FBXO16: variants seen among roughly 807,000 people sequenced by gnomAD.
FBXO16 encodes F-box only protein 16.
A neutral mutation model predicts 41.0 loss-of-function variants in FBXO16; 31 were observed. The observed-to-expected ratio is 0.76, with a 90% CI of 0.57 to 1.02. The LOEUF is 1.02. FBXO16 is among the 50% of genes least tolerant of loss of function. The probability of loss-of-function intolerance (pLI) is 0.00; values close to 1 mark genes in which losing one functional copy is unlikely to be tolerated. For synonymous variants in FBXO16, 133 were observed against 117.8 expected, an observed-to-expected ratio of 1.13 and a Z score of -0.84; for missense variants, 361 against 346.2, an observed-to-expected ratio of 1.04 and a Z score of -0.34.
chr8:28,481,287 G>A (rs981906796), intron 2 of FBXO16, among the ~76,000 whole-genome samples: 3 of 152,194 alleles, frequency 2.0e-5, no homozygotes, highest in African/African-American at 7.2e-5. Context: ...GCCAGTGAAA[G>A]CAGTTAGGGG....
rs192468514 is a variant in FBXO16 at position 28,472,654 on chromosome 8, A to G, written c.135+1118T>C. Among the ~76,000 whole-genome samples the G allele has an allele frequency of 3.9e-3, 599 of 152,310 alleles. 5 individuals are homozygous for G. Among genetic ancestry groups the G allele is most frequent in the African/African-American group, 0.014 (576 of 41,552 alleles). On this transcript the variant is annotated intron_variant, in intron 3 of 8. Transcript: ENST00000380254. ...CTACTCAGGAGGCTGAGGCAGGAGAATCACTTGAACCCGGGAGGCGGAGGA... is the reference window on the plus strand; with the variant it reads ...CTACTCAGGAGGCTGAGGCAGGAGAGTCACTTGAACCCGGGAGGCGGAGGA...
chr8:28,468,991 C>T (rs1039363877), intron 3 of FBXO16, among the ~76,000 whole-genome samples: 1 of 152,174 alleles, frequency 6.6e-6, no homozygotes, highest in African/African-American at 2.4e-5. Context: ...TCATGCATTT[C>T]CTTTTTTTCT....
chr8:28,486,568 TC>T (rs1047846266), intron 1 of FBXO16, among the ~76,000 whole-genome samples: 3 of 151,868 alleles, frequency 2.0e-5, no homozygotes, highest in Admixed American at 2.0e-4. Context: ...TTGCCTGTAA[TC>T]CCAGCACTTG....
chr8:28,428,935 G>A (rs1466085762), intron 8 of FBXO16, among the ~76,000 whole-genome samples, 199 bp from the exon 9 acceptor site: 3 of 152,048 alleles, frequency 2.0e-5, no homozygotes, highest in African/African-American at 7.2e-5. Flanking sequence ...GGTCTTTAGC[G>A]TCCAAAGTGC....
At chr8:28,464,391 A>G (rs943165461) in intron 3 of FBXO16, among the ~76,000 whole-genome samples, 2 of 152,214 alleles carry the variant, frequency 1.3e-5, no homozygotes, top group Non-Finnish European at 2.9e-5. Flanking sequence ...GGTATGTCCA[A>G]CAATTGGCTA....
At chr8:28,433,070 A>AC (rs200662065) in intron 7 of FBXO16, among the ~76,000 whole-genome samples, 1 of 144,160 alleles carries the variant, frequency 6.9e-6, no homozygotes, top group Non-Finnish European at 1.5e-5. Context: ...AAAAAAAAAA[A>AC]AAACAAACAA....
chr8:28,440,187 T>C (rs1802748024), intron 7 of FBXO16, among the ~76,000 whole-genome samples: 1 of 151,998 alleles, frequency 6.6e-6, no homozygotes, highest in Non-Finnish European at 1.5e-5. Context: ...ACTGCCCCCT[T>C]AACCTCCTGG....
chr8:28,480,705 A>G (rs1803497030), intron 2 of FBXO16, among the ~76,000 whole-genome samples: 2 of 152,108 alleles, frequency 1.3e-5, no homozygotes, highest in South Asian at 2.1e-4. Flanking sequence ...GGGTTTTACC[A>G]TGTTGGCCAG....
Position 28,451,596 on chromosome 8 carries a change from C to T in FBXO16, c.740+648G>A, listed in dbSNP as rs138488022. 9.2e-5 allele frequency among the ~76,000 whole-genome samples: 14 copies of T among 151,722 alleles called. No homozygotes were observed. In the East Asian group the frequency reaches 2.7e-3, roughly 29 times the overall value. Reference sequence around the variant, plus strand: ...TACAATCAGTAAATCTAATGAGTGTCAGGTTTCTTACCATCAGAAAAGGGA... The same window carrying T: ...TACAATCAGTAAATCTAATGAGTGTTAGGTTTCTTACCATCAGAAAAGGGA... On this transcript the variant is annotated intron_variant, in intron 6 of 8. Transcript: ENST00000380254.
intron 3 of FBXO16, among the ~76,000 whole-genome samples, chr8:28,468,923 C>T (rs914624111): frequency 3.9e-5 from 6 of 152,006 alleles, no homozygotes; most frequent in African/African-American, 1.4e-4. Context: ...TTTAACACTG[C>T]TCCCCATTAA....
At chr8:28,465,511 A>G (rs1372924540) in intron 3 of FBXO16, 2 of 364,016 alleles carry the variant, frequency 5.5e-6, no homozygotes, top group East Asian at 2.0e-4. Flanking sequence ...GCTACTCAGG[A>G]GGCTGAGGTG....
chr8:28,451,267 C>T (rs1350466065), intron 6 of FBXO16, among the ~76,000 whole-genome samples: 1 of 152,124 alleles, frequency 6.6e-6, no homozygotes, highest in African/African-American at 2.4e-5. Context: ...TGGCTCCTGA[C>T]AGGATGTTTT....
chr8:28,441,946 A>ATT (rs1216726136), intron 7 of FBXO16, among the ~76,000 whole-genome samples: 18 of 73,876 alleles, frequency 2.4e-4, no homozygotes, highest in Non-Finnish European at 3.4e-4. Context: ...GTGTGTGTGT[A>ATT]TTTTTTTTTT....
At chr8:28,461,669 G>A (rs902188885) in intron 4 of FBXO16, among the ~76,000 whole-genome samples, 1 of 151,142 alleles carries the variant, frequency 6.6e-6, no homozygotes, top group Non-Finnish European at 1.5e-5. Context: ...TATTTATGGC[G>A]TTCTGTTCCA....
At chr8:28,451,408 T>C (rs1254695995) in intron 6 of FBXO16, among the ~76,000 whole-genome samples, 3 of 151,302 alleles carry the variant, frequency 2.0e-5, no homozygotes, top group African/African-American at 7.3e-5. Context: ...TTTTGTTTTT[T>C]GAGATAGGGT....
intron 7 of FBXO16, among the ~76,000 whole-genome samples, chr8:28,437,646 G>C (rs953275573): frequency 7.2e-5 from 11 of 152,232 alleles, no homozygotes; most frequent in African/African-American, 2.7e-4. Flanking sequence ...GCCAAGGCGG[G>C]AGGACTGCTT....
chr8:28,489,671 G>C (rs1309569568), intron 1 of FBXO16, among the ~76,000 whole-genome samples: 1 of 151,306 alleles, frequency 6.6e-6, no homozygotes, highest in Non-Finnish European at 1.5e-5. Flanking sequence ...CTGCAGTTCA[G>C]CCTGGGCAAC....
intron 2 of FBXO16, among the ~76,000 whole-genome samples, chr8:28,481,761 G>C: frequency 6.8e-6 from 1 of 147,174 alleles, no homozygotes; most frequent in East Asian, 2.0e-4. Context: ...AGTGAGCCGA[G>C]ATCGCACCAC....
intron 6 of FBXO16, chr8:28,447,555 G>A (rs188903503): frequency 5.5e-6 from 2 of 363,008 alleles, no homozygotes; most frequent in African/African-American, 2.1e-5. Flanking sequence ...AAAGAAGGGT[G>A]GATGAGACGG....
Sources: allele counts gnomAD v4.1 joint callset (sites outside exome capture counted in the v4.1 genomes callset), GRCh38; gene constraint gnomAD v4.1.1; transcripts MANE v1.5; gene names NCBI Gene and HGNC (gene_info 2026-07-23, HGNC 2026-07-21).